The following ATP5MC2 variants were observed in gnomAD, a reference collection of about 807,000 sequenced individuals.
The protein encoded by ATP5MC2 is ATP synthase F(0) complex subunit C2, mitochondrial.
Under a neutral mutation model 13.5 loss-of-function variants are expected in ATP5MC2, and 11 were observed. The observed-to-expected ratio is 0.81, with a 90% confidence interval of 0.51 to 1.35. ATP5MC2 has a LOEUF of 1.35. Among genes scored for constraint, ATP5MC2 ranks in the 40% most tolerant of loss-of-function variants. The pLI, the probability that ATP5MC2 is intolerant of heterozygous loss-of-function variation, is 0.00. For missense variants in ATP5MC2, 132 were observed against 175.0 expected, an observed-to-expected ratio of 0.75 and a Z score of 1.39; for synonymous variants, 64 against 69.7, an observed-to-expected ratio of 0.92 and a Z score of 0.41.
intron 2 of ATP5MC2, among the ~76,000 whole-genome samples, chr12:53,670,572 C>T (rs1945066744): frequency 1.3e-5 from 2 of 151,910 alleles, no homozygotes; most frequent in South Asian, 4.2e-4. Flanking sequence ...ACATTGCTAG[C>T]TTGGGAAAAG....
chr12:53,667,983 ATATATATATAT>A (rs1471732186), intron 4 of ATP5MC2, among the ~76,000 whole-genome samples: 3 of 54,744 alleles, frequency 5.5e-5, no homozygotes, highest in South Asian at 4.2e-4. Context: ...ATATATATAT[ATATATATATAT>A]AAATTTTTTT....
chr12:53,678,889 GTT>G (rs1028677936), upstream of ATP5MC2, among the ~76,000 whole-genome samples: 1 of 152,142 alleles, frequency 6.6e-6, no homozygotes, highest in African/African-American at 2.4e-5. Context: ...TGATTGGCCA[GTT>G]TTTTTAATGA....
intron 4 of ATP5MC2, among the ~76,000 whole-genome samples, chr12:53,668,315 T>G (rs534913582): frequency 6.6e-6 from 1 of 150,508 alleles, no homozygotes; most frequent in Non-Finnish European, 1.5e-5. Flanking sequence ...TTTTTTTTTT[T>G]CCCCAAAGTC....
At chr12:53,666,570 T>A (rs1301446704) in intron 4 of ATP5MC2, among the ~76,000 whole-genome samples, 84 of 145,012 alleles carry the variant, frequency 5.8e-4, no homozygotes, top group African/African-American at 2.1e-3. Context: ...AGAGCAAGAC[T>A]CTGTCTCAAA....
At position 53,672,580 on chromosome 12, in the gene ATP5MC2, GA is replaced by G. The variant is rs1485981305; in HGVS notation, c.34del (p.Ser12ProfsTer10). On this transcript the variant is annotated frameshift_variant, in exon 2 of 5. Coordinates refer to ENST00000394349, the MANE Select transcript of ATP5MC2 (RefSeq NM_005176.7). LOFTEE classifies it high-confidence loss of function. ...CCCAGAAAAGCAGGTACTCACCAAG[GA>G]GGGAGTGGAGACAAACTTGGAGCAG... is the stretch of plus-strand genomic sequence containing the variant. The part of the protein sequence containing the change: ...FACSKFVSTP[S>X]LVKSTSQLLS... The G allele has an allele frequency of 6.3e-7, 1 of 1,577,832 alleles. No homozygotes were observed. Among genetic ancestry groups the G allele is most frequent in the Admixed American group, 1.9e-5 (1 of 53,554 alleles).
At chr12:53,676,313 A>ATCCGTAACGTC (rs1945274764), upstream of ATP5MC2, 10 of 1,447,310 alleles carry the variant, frequency 6.9e-6, no homozygotes, top group Non-Finnish European at 8.4e-6. Flanking sequence ...GAGTAAGCCG[A>ATCCGTAACGTC]TCCGTAACGT....
chr12:53,676,677 G>T (rs1945286076), upstream of ATP5MC2: 1 of 176,562 alleles, frequency 5.7e-6, no homozygotes, highest in Non-Finnish European at 1.2e-5. Context: ...CCAGAAGATA[G>T]GGTTAAATAT....
chr12:53,669,480 A>G, intron 3 of ATP5MC2, 139 bp from the exon 4 acceptor site: 1 of 1,428,178 alleles, frequency 7.0e-7, no homozygotes, highest in Middle Eastern at 2.3e-4. Flanking sequence ...GCTGGCAAGT[A>G]GAACCTTTTA....
chr12:53,671,924 T>C (rs1417577584), intron 2 of ATP5MC2, among the ~76,000 whole-genome samples: 2 of 151,712 alleles, frequency 1.3e-5, no homozygotes, highest in Non-Finnish European at 2.9e-5. Flanking sequence ...TGTAACCCCA[T>C]CTCTACTAAA....
chr12:53,667,074 G>A (rs1029023527), intron 4 of ATP5MC2, among the ~76,000 whole-genome samples: 1 of 152,266 alleles, frequency 6.6e-6, no homozygotes, highest in South Asian at 2.1e-4. Flanking sequence ...ACCTCCAGAA[G>A]TCTTGATGGG....
chr12:53,668,670 T>C (rs1000514610), intron 4 of ATP5MC2, among the ~76,000 whole-genome samples: 1 of 152,182 alleles, frequency 6.6e-6, no homozygotes, highest in Non-Finnish European at 1.5e-5. Context: ...ACTCGAAATA[T>C]GGTTAGCGTG....
chr12:53,672,476 C>A (rs1212138139), intron 2 of ATP5MC2, 100 bp downstream of exon 2: 3 of 1,275,278 alleles, frequency 2.4e-6, no homozygotes, highest in Non-Finnish European at 3.3e-6. Context: ...CCCGCCTGGA[C>A]CTCCTCTCCC....
chr12:53,672,735 GC>G, intron 1 of ATP5MC2, 90 bp from the exon 2 acceptor site: 1 of 1,229,906 alleles, frequency 8.1e-7, no homozygotes, highest in Non-Finnish European at 1.1e-6. Flanking sequence ...AGCTTAACTG[GC>G]CCAGAAAACA....
At position 53,665,349 on chromosome 12, in the gene ATP5MC2, G is replaced by C; in HGVS notation, c.391C>G (p.Leu131Val). 1 of 1,613,468 alleles carries C rather than the reference G, an allele frequency of 6.2e-7. No homozygotes were observed. Among genetic ancestry groups the C allele is most frequent in the Non-Finnish European group, 8.5e-7 (1 of 1,179,902 alleles). ...AAGAGGATGAGAAAGGCTACCATCA[G>C]ACAAAAGAGCCCCATGGCCTCCGAG... ...ALSEAMGLFC[L>V]MVAFLILFAM The change falls in exon 5 of 5, where the codon CTG becomes GTG. Residue 131 changes from leucine (L) to valine (V), a missense_variant. Coordinates refer to ENST00000394349, the MANE Select transcript of ATP5MC2 (RefSeq NM_005176.7).
At chr12:53,676,462 G>C (rs193256885), upstream of ATP5MC2, 5 of 404,234 alleles carry the variant, frequency 1.2e-5, no homozygotes, top group Non-Finnish European at 2.2e-5. Flanking sequence ...GGGGTTCAGT[G>C]CCTAAAATGC....
chr12:53,676,325 G>C (rs968668983), upstream of ATP5MC2: 4 of 1,391,900 alleles, frequency 2.9e-6, no homozygotes, highest in East Asian at 2.4e-5. Context: ...CCGTAACGTG[G>C]ACTGCGGTTT....
In ATP5MC2 at chr12:53,665,299, G is replaced by A. The variant is rs1177201018; in HGVS notation, c.*15C>T. On this transcript the variant is annotated 3_prime_UTR_variant, in exon 5 of 5. Coordinates refer to ENST00000394349, the MANE Select transcript of ATP5MC2 (RefSeq NM_005176.7). ...ACCAGACGCGGGAGAACTATGGGAG[G>A]TGGAGACGGCTCCTTCACATGGCAA... The A allele has an allele frequency of 2.5e-6, 4 of 1,597,330 alleles. No homozygotes were observed. The highest frequency in any genetic ancestry group is 2.2e-5 in the South Asian group (2 of 90,384).
chr12:53,670,632 T>G (rs1022191558), intron 2 of ATP5MC2, among the ~76,000 whole-genome samples: 17 of 151,998 alleles, frequency 1.1e-4, no homozygotes, highest in African/African-American at 3.9e-4. Context: ...TTCTTTTTTT[T>G]TTTTGAGACG....
chr12:53,672,083 C>CAAAAAAAAA (rs916010110), intron 2 of ATP5MC2, among the ~76,000 whole-genome samples: 968 of 46,840 alleles, frequency 0.021, 58 homozygotes, highest in East Asian at 0.042. Flanking sequence ...AACTCTGTCT[C>CAAAAAAAAA]AAAAAAAAAA....
Sources: allele counts gnomAD v4.1 joint callset (sites outside exome capture counted in the v4.1 genomes callset), GRCh38; gene constraint gnomAD v4.1.1; transcripts MANE v1.5; gene names NCBI Gene and HGNC (gene_info 2026-07-23, HGNC 2026-07-21).